The following EPB41L4A variants were observed in gnomAD, a reference collection of about 807,000 sequenced individuals.
EPB41L4A encodes the protein band 4.1-like protein 4A.
Under a neutral mutation model 108.6 loss-of-function variants are expected in EPB41L4A, and 100 were observed. The observed-to-expected ratio is 0.92, with a 90% CI of 0.78 to 1.09. The LOEUF (loss-of-function observed/expected upper bound fraction) is 1.09, where lower values mean the gene tolerates loss of function less well. Ranked by LOEUF, EPB41L4A falls within the 50% of genes least tolerant of loss-of-function variation. EPB41L4A has a pLI of 0.00. For synonymous variants in EPB41L4A, 319 were observed against 289.0 expected (o/e 1.10, Z -1.05); for missense variants, 1,030 against 842.7 (o/e 1.22, Z -2.75).
intron 1 of EPB41L4A, among the ~76,000 whole-genome samples, chr5:112,380,262 G>A (rs1760080807): frequency 6.6e-6 from 1 of 152,152 alleles, no homozygotes; most frequent in South Asian, 2.1e-4. Context: ...GGATCAGAGA[G>A]AAAAGCATAC....
At chr5:112,176,060 G>T (rs1057211427) in intron 18 of EPB41L4A, among the ~76,000 whole-genome samples, 2 of 152,078 alleles carry the variant, frequency 1.3e-5, no homozygotes, top group African/African-American at 4.8e-5. Context: ...TCATCTCAAG[G>T]AAAAACACAA....
chr5:112,392,084 T>C (rs1406795916), intron 1 of EPB41L4A, among the ~76,000 whole-genome samples: 5 of 151,878 alleles, frequency 3.3e-5, no homozygotes, highest in Non-Finnish European at 5.9e-5. Flanking sequence ...GCACTAAACA[T>C]GGAAAGGAAC....
chr5:112,285,067 A>G (rs1753200371), intron 2 of EPB41L4A, among the ~76,000 whole-genome samples: 1 of 152,216 alleles, frequency 6.6e-6, no homozygotes, highest in Admixed American at 6.5e-5. Context: ...GAGTTCTAAT[A>G]GTAGAATAAA....
chr5:112,360,159 C>T (rs913261378), intron 1 of EPB41L4A, among the ~76,000 whole-genome samples: 1 of 152,180 alleles, frequency 6.6e-6, no homozygotes. Flanking sequence ...GGCACCATAG[C>T]TCACGCCTGT....
intron 4 of EPB41L4A, 29 bp from the exon 5 acceptor site, chr5:112,266,359 C>A: frequency 6.9e-7 from 1 of 1,455,548 alleles, no homozygotes; most frequent in South Asian, 1.2e-5. Context: ...GAGAGATTAA[C>A]GATCTCTTAC....
chr5:112,182,104 G>A (rs1410437183), intron 18 of EPB41L4A, among the ~76,000 whole-genome samples: 1 of 151,950 alleles, frequency 6.6e-6, no homozygotes, highest in Non-Finnish European at 1.5e-5. Context: ...TGGTTGTGGG[G>A]GTGGGCACTG....
chr5:112,291,214 G>A (rs1490440926), intron 2 of EPB41L4A, among the ~76,000 whole-genome samples: 1 of 152,126 alleles, frequency 6.6e-6, no homozygotes, highest in East Asian at 1.9e-4. Context: ...CTATGTTATG[G>A]GGGCCCTGCC....
intron 1 of EPB41L4A, among the ~76,000 whole-genome samples, chr5:112,320,714 G>A (rs1755717103): frequency 6.6e-6 from 1 of 152,144 alleles, no homozygotes; most frequent in African/African-American, 2.4e-5. Flanking sequence ...ACAAACAGAA[G>A]CCCACTTTTT....
At chr5:112,401,688 G>A (rs566106782) in intron 1 of EPB41L4A, among the ~76,000 whole-genome samples, 5 of 152,112 alleles carry the variant, frequency 3.3e-5, no homozygotes, top group South Asian at 2.1e-4. Context: ...AACAGAAATC[G>A]AACACAATGT....
At chr5:112,366,040 C>T (rs1759101760) in intron 1 of EPB41L4A, among the ~76,000 whole-genome samples, 2 of 152,092 alleles carry the variant, frequency 1.3e-5, no homozygotes, top group South Asian at 2.1e-4. Flanking sequence ...AGACTCTACG[C>T]AATAGAAAAC....
chr5:112,322,774 G>A (rs1487153743), intron 1 of EPB41L4A, among the ~76,000 whole-genome samples: 1 of 151,640 alleles, frequency 6.6e-6, no homozygotes, highest in Non-Finnish European at 1.5e-5. Flanking sequence ...ACTACTTGAT[G>A]TTTTGCCACT....
chr5:112,419,545 G>A (rs1442153628), upstream of EPB41L4A: 16 of 429,120 alleles, frequency 3.7e-5, no homozygotes, highest in South Asian at 2.0e-4. Flanking sequence ...CCCCGCGGGC[G>A]CGCACTTCCA....
chr5:112,373,590 T>C (rs900660727), intron 1 of EPB41L4A, among the ~76,000 whole-genome samples: 35 of 152,258 alleles, frequency 2.3e-4, no homozygotes, highest in Middle Eastern at 3.2e-3. Context: ...TTCATGCTCA[T>C]AAAAATCCTA....
At chr5:112,288,229 A>G (rs912331041) in intron 2 of EPB41L4A, among the ~76,000 whole-genome samples, 1 of 152,218 alleles carries the variant, frequency 6.6e-6, no homozygotes, top group Non-Finnish European at 1.5e-5. Flanking sequence ...AGGGAATCTA[A>G]GGTACAGAAG....
chr5:112,335,288 C>A (rs1580707850), intron 1 of EPB41L4A, among the ~76,000 whole-genome samples: 1 of 152,142 alleles, frequency 6.6e-6, no homozygotes. Flanking sequence ...GTGTTAAGGA[C>A]CCTCCTTCTT....
chr5:112,398,606 C>G lies in EPB41L4A; in HGVS notation c.99+20335G>C, dbSNP rs917446243. ...GTTTTGTCTTGTTGCCCAGGCTGGT[C>G]TCAAACTCCTGAGCTCAAGTGATCC... On this transcript the variant is annotated intron_variant, in intron 1 of 22. Transcript: ENST00000261486. Among the ~76,000 whole-genome samples, 3 of 152,102 alleles carry G rather than the reference C, an allele frequency of 2.0e-5. No individual in the cohort carries two copies. The South Asian group carries it at 6.2e-4, about 32-fold the overall frequency.
intron 1 of EPB41L4A, among the ~76,000 whole-genome samples, chr5:112,395,255 G>T (rs1207352682): frequency 5.9e-5 from 9 of 152,092 alleles, no homozygotes; most frequent in South Asian, 4.1e-4. Flanking sequence ...GGGATCTAAT[G>T]AAACTAAAGA....
chr5:112,317,824 G>A (rs927250006), intron 1 of EPB41L4A, among the ~76,000 whole-genome samples: 28 of 152,114 alleles, frequency 1.8e-4, no homozygotes, highest in Non-Finnish European at 7.4e-5. Context: ...TTTTAAATAG[G>A]TTTTTTGGAT....
chr5:112,394,210 A>C (rs1168626291), intron 1 of EPB41L4A, among the ~76,000 whole-genome samples: 2 of 152,214 alleles, frequency 1.3e-5, no homozygotes, highest in African/African-American at 4.8e-5. Flanking sequence ...CACCACTCCT[A>C]TTCAACATAG....
Sources: gnomAD v4.1 joint callset for allele counts (sites outside exome capture counted in the v4.1 genomes callset) on GRCh38, gnomAD v4.1.1 for gene constraint, MANE v1.5 for transcripts, NCBI Gene and HGNC (gene_info 2026-07-23, HGNC 2026-07-21) for gene names.